Variants in DOCK9 observed in about 807,000 individuals in gnomAD.
DOCK9 encodes dedicator of cytokinesis 9, also known as dedicator of cytokinesis protein 9.
In DOCK9, 89 loss-of-function variants were observed where a neutral mutation model predicts 263.3. The ratio of observed to expected loss-of-function variants is 0.34; its 90% confidence interval spans 0.28 to 0.40. The LOEUF (loss-of-function observed/expected upper bound fraction) is 0.40, where lower values mean the gene tolerates loss of function less well. Ranked by LOEUF, DOCK9 falls within the 10% of genes least tolerant of loss-of-function variation. The pLI is 1.00. For synonymous variants in DOCK9, 976 were observed against 973.1 expected, an observed-to-expected ratio of 1.00 and a Z score of -0.06; for missense variants, 2,140 against 2,603.4, an observed-to-expected ratio of 0.82 and a Z score of 3.87.
chr13:98,933,996 C>T (rs2054400398), intron 2 of DOCK9, among the ~76,000 whole-genome samples: 1 of 152,048 alleles, frequency 6.6e-6, no homozygotes, highest in Non-Finnish European at 1.5e-5. Flanking sequence ...GTTCTGGGCT[C>T]AAGTGATCCT....
At chr13:98,979,229 T>TAGTAGTAGC (rs1555439294), upstream of DOCK9, among the ~76,000 whole-genome samples, 22 of 125,078 alleles carry the variant, frequency 1.8e-4, no homozygotes, top group African/African-American at 6.7e-4. Flanking sequence ...GTAGTAGTAG[T>TAGTAGTAGC]AGCAGCAGCG....
intron 2 of DOCK9, among the ~76,000 whole-genome samples, chr13:98,942,220 G>GTTT (rs60412646): frequency 1.1e-4 from 14 of 132,412 alleles, no homozygotes; most frequent in Middle Eastern, 4.3e-3. Context: ...CTCTGGTTAT[G>GTTT]TTTTTTTTTT....
At position 98,977,460 on chromosome 13, in the gene DOCK9, T is replaced by C. The variant is rs536836387; in HGVS notation, c.126+324A>G. On this transcript the variant is annotated intron_variant, in intron 1 of 52. Transcript: ENST00000682017. ...AGCACATCTTTTTTCAACCCTATAG[T>C]TGCAATTAAAATATGCTTCCTGGGT... 6.6e-5 allele frequency among the ~76,000 whole-genome samples: 10 copies of C among 152,308 alleles called. 1 individual carries two copies. Among genetic ancestry groups the C allele is most frequent in the South Asian group, 6.2e-4 (3 of 4,828 alleles).
chr13:98,947,530 C>T (rs1234528790), intron 2 of DOCK9, among the ~76,000 whole-genome samples: 3 of 76,916 alleles, frequency 3.9e-5, no homozygotes, highest in East Asian at 5.9e-4. Flanking sequence ...TTTTTTGAGA[C>T]GGACTTTCAC....
chr13:98,938,703 G>C (rs2055311356), intron 2 of DOCK9, among the ~76,000 whole-genome samples: 1 of 91,288 alleles, frequency 1.1e-5, no homozygotes. Context: ...TCAACTCATG[G>C]CACTGGATTT....
chr13:99,006,917 C>T (rs1465277116), intron 1 of DOCK9, among the ~76,000 whole-genome samples: 1 of 151,806 alleles, frequency 6.6e-6, no homozygotes, highest in Non-Finnish European at 1.5e-5. Context: ...AAGGTGAAAA[C>T]CCGTCTCTAT....
intron 47 of DOCK9, 186 bp downstream of exon 47, chr13:98,809,163 GAAA>G: frequency 6.6e-7 from 1 of 1,510,310 alleles, no homozygotes; most frequent in Non-Finnish European, 8.9e-7. Flanking sequence ...CAGGAAGAAA[GAAA>G]AAAAGCAGAA....
intron 1 of DOCK9, among the ~76,000 whole-genome samples, chr13:98,987,534 T>A (rs779414569): frequency 5.9e-5 from 9 of 152,168 alleles, no homozygotes; most frequent in Non-Finnish European, 1.0e-4. Flanking sequence ...GTTTACGATG[T>A]TACATAAGCA....
At chr13:99,009,043 G>C (rs2141914259) in intron 1 of DOCK9, among the ~76,000 whole-genome samples, 1 of 152,334 alleles carries the variant, frequency 6.6e-6, no homozygotes. Context: ...AACAGCAGTT[G>C]TCTCTGTGTT....
At chr13:98,962,079 A>G (rs1252352452) in intron 1 of DOCK9, among the ~76,000 whole-genome samples, 1 of 152,224 alleles carries the variant, frequency 6.6e-6, no homozygotes, top group African/African-American at 2.4e-5. Context: ...TAAACTCTCA[A>G]TAATAAAATA....
At chr13:99,048,308 T>C (rs920802921) in intron 1 of DOCK9, among the ~76,000 whole-genome samples, 3 of 152,204 alleles carry the variant, frequency 2.0e-5, no homozygotes, top group African/African-American at 7.2e-5. Flanking sequence ...GGAGACAGCC[T>C]GCGTGCACCC....
At chr13:98,822,035 T>C (rs2140599934) in intron 45 of DOCK9, among the ~76,000 whole-genome samples, 1 of 152,334 alleles carries the variant, frequency 6.6e-6, no homozygotes, top group African/African-American at 2.4e-5. Context: ...TCCTGTCTTT[T>C]AGAACATGTT....
chr13:98,974,110 T>A (rs921871871), intron 1 of DOCK9, among the ~76,000 whole-genome samples: 12 of 152,054 alleles, frequency 7.9e-5, no homozygotes, highest in African/African-American at 2.9e-4. Context: ...TCTAAACTGT[T>A]GAGCAGTAAC....
chr13:98,931,448 G>A (rs1266451531), intron 2 of DOCK9, among the ~76,000 whole-genome samples: 1 of 151,908 alleles, frequency 6.6e-6, no homozygotes, highest in Non-Finnish European at 1.5e-5. Flanking sequence ...ACAGGCGCCT[G>A]CCACCATGCC....
At position 98,921,108 on chromosome 13, in the gene DOCK9, A is replaced by G. The variant is rs1254523526; in HGVS notation, c.583-20T>C. The G allele has an allele frequency of 6.3e-7, 1 of 1,583,714 alleles. No homozygotes were observed. Among genetic ancestry groups the G allele is most frequent in the Non-Finnish European group, 8.6e-7 (1 of 1,165,464 alleles). ...AAATGACTGAGAGAAAAATATACACACAGCTATTCTTTCAAAATGAAGAGG... is the reference window on the plus strand; with the variant it reads ...AAATGACTGAGAGAAAAATATACACGCAGCTATTCTTTCAAAATGAAGAGG... On this transcript the variant is annotated intron_variant, in intron 6 of 52. Coordinates refer to ENST00000682017, the MANE Select transcript of DOCK9 (RefSeq NM_001366683.2).
intron 1 of DOCK9, among the ~76,000 whole-genome samples, chr13:99,041,652 T>C (rs1466532613): frequency 6.6e-6 from 1 of 152,114 alleles, no homozygotes; most frequent in Non-Finnish European, 1.5e-5. Context: ...CCCAAAAAGG[T>C]ATGTCCACAT....
intron 23 of DOCK9, among the ~76,000 whole-genome samples, chr13:98,882,379 C>G (rs1326891671): frequency 1.3e-5 from 2 of 152,162 alleles, no homozygotes; most frequent in East Asian, 3.8e-4. Context: ...GGAGGGGCCG[C>G]AAGCAATCAC....
At chr13:98,837,406 A>G in intron 39 of DOCK9, 88 bp downstream of exon 39, 6 of 839,130 alleles carry the variant, frequency 7.2e-6, no homozygotes, top group Non-Finnish European at 1.2e-5. Context: ...TAAAAATGCA[A>G]CATAGTAAGT....
chr13:99,083,427 T>C (rs2042207281), intron 1 of DOCK9, among the ~76,000 whole-genome samples: 1 of 152,172 alleles, frequency 6.6e-6, no homozygotes, highest in South Asian at 2.1e-4. Context: ...TATGACACAG[T>C]TATGTAAGAA....
Sources: allele counts gnomAD v4.1 joint callset (sites outside exome capture counted in the v4.1 genomes callset), GRCh38; gene constraint gnomAD v4.1.1; transcripts MANE v1.5; gene names NCBI Gene and HGNC (gene_info 2026-07-23, HGNC 2026-07-21).